PSIP1: variants seen among roughly 807,000 people sequenced by gnomAD.
The protein encoded by PSIP1 is PC4 and SRSF1 interacting protein 1, also known as PC4 and SFRS1-interacting protein.
Under a neutral mutation model 74.7 loss-of-function variants are expected in PSIP1, and 19 were observed. The ratio of observed to expected loss-of-function variants is 0.25; its 90% CI spans 0.18 to 0.37. The LOEUF is 0.37. Ranked by LOEUF, PSIP1 falls within the 10% of genes least tolerant of loss-of-function variation. The pLI is 1.00. For synonymous variants in PSIP1, 222 were observed against 195.3 expected, an observed-to-expected ratio of 1.14 and a Z score of -1.14; for missense variants, 601 against 614.3, an observed-to-expected ratio of 0.98 and a Z score of 0.23.
At position 15,464,619 on chromosome 9, in the gene PSIP1, G is replaced by A. The variant is rs1057237376; in HGVS notation, c.*901C>T. The A allele has an allele frequency of 5.1e-6, 1 of 197,396 alleles. No homozygotes were observed. 12.2% of individuals were successfully genotyped at this position (197,396 alleles called of 1,614,324 possible). A position where few individuals can be genotyped will look rare whatever the true frequency, so the allele number is the denominator to read the frequency against. On this transcript the variant is annotated 3_prime_UTR_variant, in exon 16 of 16. Transcript: ENST00000380733. ...TATATAACATTTATTCATATTTATT[G>A]TATAAGCATCATGATTTTTTCTTCC...
intron 3 of PSIP1, among the ~76,000 whole-genome samples, chr9:15,493,677 G>A (rs952240468): frequency 6.6e-6 from 1 of 152,198 alleles, no homozygotes; most frequent in African/African-American, 2.4e-5. Flanking sequence ...AATCACGGCA[G>A]AAGGTACCTC....
At position 15,465,046 on chromosome 9, in the gene PSIP1, T is replaced by C. The variant is rs2035519971; in HGVS notation, c.*474A>G. On this transcript the variant is annotated 3_prime_UTR_variant, in exon 16 of 16. Coordinates refer to ENST00000380733, the MANE Select transcript of PSIP1 (RefSeq NM_033222.5). ...AAGGGAGTGAGTACTTGTATAGAAGTAACATTTTATCTACCATAAAAATGT... is the reference window on the plus strand; with the variant it reads ...AAGGGAGTGAGTACTTGTATAGAAGCAACATTTTATCTACCATAAAAATGT... 1 of 223,752 alleles carries C rather than the reference T, an allele frequency of 4.5e-6. No individual in the cohort carries two copies. The highest frequency in any genetic ancestry group is 6.7e-5 in the East Asian group (1 of 15,020). The allele number at this position is 223,752 out of a possible 1,614,324, so 13.9% of individuals were successfully genotyped here.
At chr9:15,489,290 A>C (rs1447263729) in intron 4 of PSIP1, 1 of 152,174 alleles carries the variant, frequency 6.6e-6, no homozygotes, top group Non-Finnish European at 1.5e-5. Flanking sequence ...CATGAGGTTC[A>C]TATTCCAATA....
intron 3 of PSIP1, among the ~76,000 whole-genome samples, chr9:15,492,919 C>T (rs955235281): frequency 9.2e-5 from 14 of 152,320 alleles, no homozygotes; most frequent in South Asian, 4.1e-4. Context: ...CAAGTCCCAA[C>T]GCTGCACGCA....
At chr9:15,468,361 G>A (rs746207667) in intron 14 of PSIP1, 1 of 660,876 alleles carries the variant, frequency 1.5e-6, no homozygotes, top group Non-Finnish European at 2.8e-6. Context: ...TGTGATGGAT[G>A]GGTTTTTAAA....
chr9:15,474,105 C>A lies in PSIP1; in HGVS notation c.762G>T (p.Lys254Asn). 1 of 1,613,256 alleles carries A rather than the reference C, an allele frequency of 6.2e-7. No individual in the cohort carries two copies. The highest frequency in any genetic ancestry group is 8.5e-7 in the Non-Finnish European group (1 of 1,179,654). ...PRKEPDKKEG[K>N]KEVESKRKNL... ...TTTTCCTTTTTGATTCAACTTCTTTCTTCCCCTCTTTTTTATCCGGCTCTT... is the reference window on the plus strand; with the variant it reads ...TTTTCCTTTTTGATTCAACTTCTTTATTCCCCTCTTTTTTATCCGGCTCTT... Residue 254 changes from lysine (K) to asparagine (N), a missense_variant, in exon 9 of 16, where the codon AAG (lysine) becomes AAT (asparagine). This residue lies in a region of PSIP1 where 538 missense variants were observed against 507.6 expected (regional missense o/e 1.06). Coordinates refer to ENST00000380733, the MANE Select transcript of PSIP1 (RefSeq NM_033222.5).
intron 3 of PSIP1, chr9:15,505,394 TC>T (rs1463502233): frequency 2.0e-5 from 3 of 152,228 alleles, no homozygotes; most frequent in Admixed American, 6.5e-5. Flanking sequence ...CTTTAAAGTA[TC>T]CCATGGAATC....
chr9:15,506,726 G>T (rs1456900084), intron 2 of PSIP1, 89 bp from the exon 3 acceptor site: 5 of 980,076 alleles, frequency 5.1e-6, no homozygotes, highest in Non-Finnish European at 7.6e-6. Flanking sequence ...CATCCAAAAG[G>T]GTTCTGTTAT....
At chr9:15,507,826 AT>A (rs1563903628) in intron 2 of PSIP1, among the ~76,000 whole-genome samples, 1 of 152,202 alleles carries the variant, frequency 6.6e-6, no homozygotes. Flanking sequence ...GACTGAACTG[AT>A]TTGTGAGGGA....
intron 6 of PSIP1, among the ~76,000 whole-genome samples, chr9:15,485,505 G>A (rs1238620305): frequency 6.6e-6 from 1 of 152,122 alleles, no homozygotes; most frequent in Non-Finnish European, 1.5e-5. Flanking sequence ...AAAAGGGTGT[G>A]AACAAAACTT....
At chr9:15,465,719 A>G (rs905681256) in intron 15 of PSIP1, 139 bp from the exon 16 acceptor site, 20 of 627,302 alleles carry the variant, frequency 3.2e-5, no homozygotes, top group Admixed American at 6.6e-5. Flanking sequence ...TTGACTTGTT[A>G]TTAGAACAGT....
intron 15 of PSIP1, chr9:15,465,835 C>G (rs1480283597): frequency 5.3e-6 from 2 of 379,888 alleles, no homozygotes; most frequent in Non-Finnish European, 9.3e-6. Flanking sequence ...TGTCATGGAC[C>G]AAGCCCTTTC....
At chr9:15,495,528 G>A (rs922680657) in intron 3 of PSIP1, among the ~76,000 whole-genome samples, 6 of 151,810 alleles carry the variant, frequency 4.0e-5, no homozygotes, top group African/African-American at 9.7e-5. Flanking sequence ...TAAAACATTA[G>A]GAACACTGAT....
At chr9:15,485,701 C>A (rs1324494666) in intron 6 of PSIP1, among the ~76,000 whole-genome samples, 2 of 152,156 alleles carry the variant, frequency 1.3e-5, no homozygotes, top group East Asian at 3.9e-4. Flanking sequence ...TATGTTAAAT[C>A]ATTTAATCCT....
intron 3 of PSIP1, among the ~76,000 whole-genome samples, chr9:15,501,484 C>T (rs1419825764): frequency 6.6e-6 from 1 of 151,810 alleles, no homozygotes; most frequent in Admixed American, 6.6e-5. Context: ...TTCAAATATC[C>T]GAAGGCATAA....
chr9:15,471,384 C>T (rs960388972), intron 10 of PSIP1: 1 of 1,521,624 alleles, frequency 6.6e-7, no homozygotes, highest in African/African-American at 1.4e-5. Flanking sequence ...GAGAAAGTTA[C>T]ATTGGAGGAC....
chr9:15,499,897 G>A (rs1275221590), intron 3 of PSIP1, among the ~76,000 whole-genome samples: 2 of 147,498 alleles, frequency 1.4e-5, no homozygotes, highest in South Asian at 2.1e-4. Flanking sequence ...AAAAACCGAA[G>A]TCACATACAC....
chr9:15,484,161 A>T (rs918719942), intron 6 of PSIP1, among the ~76,000 whole-genome samples: 22 of 145,182 alleles, frequency 1.5e-4, no homozygotes, highest in South Asian at 4.3e-4. Context: ...ATTTATATTT[A>T]AAAAAAAAAA....
In PSIP1 at chr9:15,504,562, C is replaced by T. The variant is rs142947924; in HGVS notation, c.149+1999G>A. 2.0e-3 allele frequency among the ~76,000 whole-genome samples: 306 copies of T among 152,002 alleles called. 1 individual carries two copies. Among genetic ancestry groups the T allele is most frequent in the Non-Finnish European group, 3.9e-3 (267 of 67,952 alleles). On this transcript the variant is annotated intron_variant, in intron 3 of 15. Coordinates refer to ENST00000380733, the MANE Select transcript of PSIP1 (RefSeq NM_033222.5). ...ACCATCCTGGCTAACACGGTGAAAC[C>T]CCATCTCTACTAAAAATACAAAAAA...
Sources: allele counts gnomAD v4.1 joint callset (sites outside exome capture counted in the v4.1 genomes callset), GRCh38; gene constraint gnomAD v4.1.1; regional missense constraint gnomAD v4.1.1; transcripts MANE v1.5; gene names NCBI Gene and HGNC (gene_info 2026-07-23, HGNC 2026-07-21).